The following ELSPBP1 variants were observed in gnomAD, a reference collection of about 807,000 sequenced individuals.
The protein encoded by ELSPBP1 is epididymal sperm-binding protein 1.
ELSPBP1 carries 38 observed loss-of-function variants against 33.3 expected under a neutral mutation model. That is an observed-to-expected ratio of 1.14 (90% CI 0.88 to 1.50). The LOEUF is 1.50. Ranked by LOEUF, ELSPBP1 falls within the 40% of genes most tolerant of loss-of-function variation. The pLI, the probability that ELSPBP1 is intolerant of heterozygous loss-of-function variation, is 0.00. For synonymous variants in ELSPBP1, 85 were observed against 94.1 expected (o/e 0.90, Z 0.56); for missense variants, 267 against 263.5 (o/e 1.01, Z -0.09).
chr19:47,998,646 G>A (rs138729444), intron 1 of ELSPBP1, among the ~76,000 whole-genome samples: 1 of 152,172 alleles, frequency 6.6e-6, no homozygotes. Context: ...AATCAGCCGA[G>A]CGTGGTGGTG....
intron 1 of ELSPBP1, among the ~76,000 whole-genome samples, chr19:48,001,175 GTT>G (rs58448046): frequency 7.0e-6 from 1 of 142,772 alleles, no homozygotes; most frequent in African/African-American, 2.6e-5. Flanking sequence ...CTCTCTCTCT[GTT>G]TTTTTTTTTT....
At chr19:48,017,623 G>T (rs1257599955) in intron 4 of ELSPBP1, among the ~76,000 whole-genome samples, 1 of 152,132 alleles carries the variant, frequency 6.6e-6, no homozygotes, top group Non-Finnish European at 1.5e-5. Context: ...AGGCTCAGTG[G>T]CTCATGCCTG....
chr19:48,016,369 T>TTTCC (rs1250997033), intron 4 of ELSPBP1, among the ~76,000 whole-genome samples: 4 of 151,992 alleles, frequency 2.6e-5, no homozygotes, highest in East Asian at 1.9e-4. Context: ...CTGCCTTTTC[T>TTTCC]TTCCTTCCTT....
intron 1 of ELSPBP1, among the ~76,000 whole-genome samples, chr19:47,997,371 T>A (rs1462578817): frequency 6.6e-6 from 1 of 152,178 alleles, no homozygotes; most frequent in South Asian, 2.1e-4. Flanking sequence ...CATATGTGCA[T>A]GCATATACCT....
intron 4 of ELSPBP1, among the ~76,000 whole-genome samples, 157 bp from the exon 5 acceptor site, chr19:48,019,562 G>A (rs1009665381): frequency 1.3e-5 from 2 of 152,146 alleles, no homozygotes; most frequent in African/African-American, 4.8e-5. Context: ...TCACTTATCC[G>A]TAACATTGGG....
rs1196910160 is a variant in ELSPBP1, at chr19:48,016,465, CTTCTTTCTTTCTTTCT to C, written c.355+476_355+491del. On this transcript the variant is annotated intron_variant, in intron 4 of 6. Coordinates refer to ENST00000339841, the MANE Select transcript of ELSPBP1 (RefSeq NM_022142.5). ...CTCCCTTTTCTCTTTCTTTTCTTTC[CTTCTTTCTTTCTTTCT>C]TTCTTTCTTTCTTTCTTTCTTTCTT... is the stretch of plus-strand genomic sequence containing the variant. Among the ~76,000 whole-genome samples the C allele has an allele frequency of 5.6e-3, 251 of 44,484 alleles. 2 individuals are homozygous for C. The highest frequency in any genetic ancestry group is 0.015 in the South Asian group (17 of 1,162). 29.2% of individuals were successfully genotyped at this position (44,484 alleles called of 152,430 possible).
rs76701750 is a variant in ELSPBP1 at position 48,011,136 on chromosome 19, CGAT to C, written c.70+2406_70+2408del. On this transcript the variant is annotated intron_variant, in intron 2 of 6. Coordinates refer to ENST00000339841, the MANE Select transcript of ELSPBP1 (RefSeq NM_022142.5). The surrounding 1 kb of genome is among the most constrained non-coding windows in gnomAD (Gnocchi z 4.5). ...ATGATGGTGACAGTGATGATGATGA[CGAT>C]GATGATAATGATTATGACAATGATG... Among the ~76,000 whole-genome samples the C allele has an allele frequency of 5.3e-5, 8 of 150,796 alleles. No individual in the cohort carries two copies. Among genetic ancestry groups the C allele is most frequent in the African/African-American group, 1.5e-4 (6 of 40,958 alleles).
intron 2 of ELSPBP1, 86 bp downstream of exon 2, chr19:48,008,823 C>A: frequency 8.2e-7 from 1 of 1,213,704 alleles, no homozygotes; most frequent in East Asian, 2.5e-5. Context: ...ACTAAGTAGG[C>A]AGGAGATGGC....
intron 2 of ELSPBP1, among the ~76,000 whole-genome samples, chr19:48,013,925 G>A (rs1276623930): frequency 6.6e-6 from 1 of 152,046 alleles, no homozygotes; most frequent in Non-Finnish European, 1.5e-5. Context: ...GGGCTAGCTA[G>A]CTCTCTGGGG....
intron 1 of ELSPBP1, among the ~76,000 whole-genome samples, chr19:48,003,013 C>A (rs1445241250): frequency 6.6e-6 from 1 of 152,090 alleles, no homozygotes; most frequent in African/African-American, 2.4e-5. Context: ...TTTTTCCGAC[C>A]AGCCAAGAAA....
chr19:48,006,448 T>C (rs1373085432), intron 1 of ELSPBP1, among the ~76,000 whole-genome samples: 1 of 151,536 alleles, frequency 6.6e-6, no homozygotes, highest in Non-Finnish European at 1.5e-5. Flanking sequence ...ACCCTGTCTC[T>C]ACTAAAAATA....
At chr19:48,003,761 G>C (rs988894495) in intron 1 of ELSPBP1, among the ~76,000 whole-genome samples, 1 of 150,094 alleles carries the variant, frequency 6.7e-6, no homozygotes, top group African/African-American at 2.5e-5. Context: ...GGCCAGGCTG[G>C]TCTCGAACAC....
At position 48,009,907 on chromosome 19, in the gene ELSPBP1, G is replaced by A. The variant is rs1029221257; in HGVS notation, c.70+1170G>A. ...ATCCTGGAGCCCCAACATCCCCTAC[G>A]GTTTCAGAGTCTGCTGAGGTTTCTT... On this transcript the variant is annotated intron_variant, in intron 2 of 6. Transcript: ENST00000339841. 5.9e-5 allele frequency among the ~76,000 whole-genome samples: 9 copies of A among 152,218 alleles called. No individual in the cohort carries two copies. The South Asian group carries it at 1.5e-3, about 25-fold the overall frequency.
chr19:48,007,614 G>T (rs958567906), intron 1 of ELSPBP1, among the ~76,000 whole-genome samples: 1 of 152,182 alleles, frequency 6.6e-6, no homozygotes, highest in South Asian at 2.1e-4. Context: ...CGGCACGAAG[G>T]AAAATAGAGC....
In ELSPBP1 at chr19:48,018,096, T is replaced by C. The variant is rs192457795; in HGVS notation, c.356-1623T>C. The stretch of plus-strand genomic sequence containing the variant: ...ATACCTTTTAGCTTTGGCTTCCCCA[T>C]TAGGTTAAGAAAGTTGTTGATTATT... On this transcript the variant is annotated intron_variant, in intron 4 of 6. Coordinates refer to ENST00000339841, the MANE Select transcript of ELSPBP1 (RefSeq NM_022142.5). Among the ~76,000 whole-genome samples the C allele has an allele frequency of 2.2e-3, 330 of 152,194 alleles. 4 individuals carry two copies. Among genetic ancestry groups the C allele is most frequent in the Middle Eastern group, 0.014 (4 of 294 alleles).
At chr19:48,017,913 A>G (rs1202774926) in intron 4 of ELSPBP1, among the ~76,000 whole-genome samples, 1 of 151,614 alleles carries the variant, frequency 6.6e-6, no homozygotes, top group Non-Finnish European at 1.5e-5. Context: ...AAAAAAAAAA[A>G]AAAAAAAGGA....
chr19:48,002,488 G>C (rs76374739), intron 1 of ELSPBP1, among the ~76,000 whole-genome samples: 2,708 of 152,242 alleles, frequency 0.018, 69 homozygotes, highest in African/African-American at 0.061. Flanking sequence ...TCCATAAATA[G>C]TAATTAAAAC....
intron 5 of ELSPBP1, among the ~76,000 whole-genome samples, chr19:48,020,392 G>A (rs541050033): frequency 6.6e-6 from 1 of 152,164 alleles, no homozygotes; most frequent in South Asian, 2.1e-4. Context: ...ATACTATACT[G>A]CTAAAGTGCA....
chr19:47,997,179 C>T (rs949546371), intron 1 of ELSPBP1, among the ~76,000 whole-genome samples: 8 of 152,192 alleles, frequency 5.3e-5, no homozygotes, highest in Admixed American at 5.2e-4. Flanking sequence ...GCGCTTTGCT[C>T]TATAGATGTT....
Sources: gnomAD v4.1 joint callset for allele counts (sites outside exome capture counted in the v4.1 genomes callset) on GRCh38, gnomAD v4.1.1 for gene constraint, Gnocchi (gnomAD v3.1) non-coding constraint, MANE v1.5 for transcripts, NCBI Gene and HGNC (gene_info 2026-07-23, HGNC 2026-07-21) for gene names.